The following SSC4D variants were observed in gnomAD, a reference collection of about 807,000 sequenced individuals.
SSC4D encodes the protein scavenger receptor cysteine-rich domain-containing group B protein.
SSC4D carries 57 observed loss-of-function variants against 63.4 expected under a neutral mutation model. That is an observed-to-expected ratio of 0.90 (90% CI 0.73 to 1.12). The LOEUF is 1.12. SSC4D is among the 50% of genes most tolerant of loss of function. The probability of loss-of-function intolerance (pLI) is 0.00; values close to 1 mark genes in which losing one functional copy is unlikely to be tolerated. For missense variants in SSC4D, 791 were observed against 806.4 expected (o/e 0.98, Z 0.23); for synonymous variants, 352 against 345.4 (o/e 1.02, Z -0.21).
chr7:76,391,311 CAT>C (rs1804489340), intron 10 of SSC4D, among the ~76,000 whole-genome samples: 1 of 151,704 alleles, frequency 6.6e-6, no homozygotes, highest in African/African-American at 2.4e-5. Context: ...TGTGGTGGCA[CAT>C]GTCTATAATC....
intron 7 of SSC4D, among the ~76,000 whole-genome samples, chr7:76,394,761 ATAT>A (rs1185068512): frequency 7.0e-6 from 1 of 143,216 alleles, no homozygotes; most frequent in Non-Finnish European, 1.5e-5. Flanking sequence ...ATATATATAT[ATAT>A]ATATAAAATA....
At chr7:76,400,622 G>T (rs1271900456) in intron 3 of SSC4D, 31 bp from the exon 4 acceptor site, 6 of 1,428,614 alleles carry the variant, frequency 4.2e-6, no homozygotes, top group Non-Finnish European at 5.5e-6. Flanking sequence ...GCACCAGGGG[G>T]TCACTGAGTC....
At chr7:76,398,869 C>T in intron 4 of SSC4D, 72 bp from the exon 5 acceptor site, 8 of 1,525,038 alleles carry the variant, frequency 5.2e-6, no homozygotes, top group Non-Finnish European at 1.8e-6. Context: ...GTTTAAGGGG[C>T]AGGAGGATGG....
intron 4 of SSC4D, 63 bp downstream of exon 4, chr7:76,400,223 A>G: frequency 7.2e-7 from 1 of 1,398,008 alleles, no homozygotes; most frequent in Non-Finnish European, 9.4e-7. Context: ...TCATTTATCT[A>G]GCCTACAGCC....
intron 9 of SSC4D, among the ~76,000 whole-genome samples, chr7:76,392,662 GC>G (rs1467116236): frequency 6.6e-6 from 1 of 152,004 alleles, no homozygotes; most frequent in African/African-American, 2.4e-5. Flanking sequence ...ACGGTGGCAT[GC>G]CCCTTGTGGT....
intron 7 of SSC4D, 92 bp downstream of exon 7, chr7:76,395,142 CCCTGGCCTGTTAGCCAGGG>C (rs1202800308): frequency 7.9e-7 from 1 of 1,270,528 alleles, no homozygotes; most frequent in African/African-American, 1.5e-5. Flanking sequence ...CTGGCCAAAG[CCCTGGCCTGTTAGCCAGGG>C]CCCCCGCCTG....
chr7:76,393,277 T>G, intron 9 of SSC4D, 128 bp downstream of exon 9: 1 of 1,019,806 alleles, frequency 9.8e-7, no homozygotes, highest in Non-Finnish European at 1.3e-6. Flanking sequence ...GCGGCGCCCC[T>G]CTGCGGAGTG....
At position 76,393,626 on chromosome 7, in the gene SSC4D, T is replaced by C; in HGVS notation, c.1112A>G (p.Asp371Gly). The change falls in exon 9 of 11, where the codon GAT becomes GGT. Residue 371 changes from aspartate to glycine, a missense_variant. Physicochemically the swap from Asp to Gly is moderately conservative, Grantham distance 94 (BLOSUM62 -1). Coordinates refer to ENST00000275560, the MANE Select transcript of SSC4D (RefSeq NM_080744.2). ...GCGCGCGTCCGCAAAGTCCCAGTCA[T>C]CGTCGCACACGGTGCCCCAGCCCCC... ...HAGGWGTVCD[D>G]DWDFADARVA... 6.7e-7 allele frequency: 1 copy of C among 1,497,782 alleles called. No individual in the cohort carries two copies. Among genetic ancestry groups the C allele is most frequent in the South Asian group, 1.3e-5 (1 of 79,964 alleles). 92.8% of individuals were successfully genotyped at this position (1,497,782 alleles called of 1,614,324 possible).
chr7:76,395,203 C>T (rs2286427), intron 7 of SSC4D, 50 bp downstream of exon 7: 285,906 of 1,599,808 alleles, frequency 0.18, 27,064 homozygotes, highest in Middle Eastern at 0.23. Flanking sequence ...AGTTCCCAGC[C>T]GCACCCACCA....
At chr7:76,405,321 T>G (rs1384087627) in intron 1 of SSC4D, among the ~76,000 whole-genome samples, 6 of 43,210 alleles carry the variant, frequency 1.4e-4, no homozygotes, top group East Asian at 8.2e-4. Context: ...ATATATGTAT[T>G]TTTTTCTTTC....
intron 2 of SSC4D, 102 bp downstream of exon 2, chr7:76,404,204 AG>A: frequency 1.4e-6 from 2 of 1,413,524 alleles, no homozygotes; most frequent in Middle Eastern, 2.6e-4. Context: ...AAAGAACAAC[AG>A]GAACGAGCTC....
chr7:76,393,465 G>A lies in SSC4D; in HGVS notation c.1273C>T (p.His425Tyr). 6 of 1,534,308 alleles carry A rather than the reference G, an allele frequency of 3.9e-6. No homozygotes were observed. The highest frequency in any genetic ancestry group is 5.2e-6 in the Non-Finnish European group (6 of 1,148,822). Residue 425 changes from histidine to tyrosine, a missense_variant, in exon 9 of 11, where the codon CAC (histidine) becomes TAC (tyrosine). By Grantham distance (83) the His-to-Tyr change is moderately conservative. Transcript: ENST00000275560. Reference sequence around the variant, plus strand: ...CAGTTGTGCTGGCCCCAGCCCAGGTGGAAGCAGTCGCTCAGGCGAGCCTCG... The same window carrying A: ...CAGTTGTGCTGGCCCCAGCCCAGGTAGAAGCAGTCGCTCAGGCGAGCCTCG... ...GTEARLSDCF[H>Y]LGWGQHNCGH...
At position 76,390,377 on chromosome 7, in the gene SSC4D, T is replaced by C; in HGVS notation, c.1412-2A>G. ...CTCCATTGACCAGACGTAGATGCCC[T>C]GTGGGGGGACAGGGCTGGGTTGGAA... On this transcript the variant is annotated splice_acceptor_variant, in intron 10 of 10. Transcript: ENST00000275560. LOFTEE classifies it high-confidence loss of function. 1 of 1,574,368 alleles carries C rather than the reference T, an allele frequency of 6.4e-7. No homozygotes were observed. The highest frequency in any genetic ancestry group is 8.6e-7 in the Non-Finnish European group (1 of 1,158,316).
rs1405903916 is a variant in SSC4D at position 76,390,075 on chromosome 7, AG to A, written c.1711del (p.Leu571CysfsTer20). 3.7e-6 allele frequency: 6 copies of A among 1,614,130 alleles called. No individual in the cohort carries two copies. The highest frequency in any genetic ancestry group is 5.1e-6 in the Non-Finnish European group (6 of 1,180,052). On this transcript the variant is annotated frameshift_variant, in exon 11 of 11. Coordinates refer to ENST00000275560, the MANE Select transcript of SSC4D (RefSeq NM_080744.2). LOFTEE classifies it high-confidence loss of function. ...CGGGCTGGGTCATGAAGGCTGGCAC[AG>A]GACACTGGCATCCTCGCTGTGGTCA... ...NCDHSEDASVLCQPS is the reference protein window; with the variant it reads ...NCDHSEDASVXCQPS
intron 7 of SSC4D, among the ~76,000 whole-genome samples, chr7:76,394,233 T>G (rs1490959786): frequency 6.6e-6 from 1 of 151,936 alleles, no homozygotes. Flanking sequence ...CTCAGCATCA[T>G]CCCATTGAAA....
At chr7:76,395,730 T>C (rs979540157) in intron 6 of SSC4D, among the ~76,000 whole-genome samples, 4 of 152,198 alleles carry the variant, frequency 2.6e-5, no homozygotes, top group Non-Finnish European at 4.4e-5. Flanking sequence ...TCGCTCTTGT[T>C]ACCCAGGCTG....
chr7:76,391,475 CAT>C, intron 10 of SSC4D, among the ~76,000 whole-genome samples: 1 of 152,254 alleles, frequency 6.6e-6, no homozygotes, highest in South Asian at 2.1e-4. Flanking sequence ...AGTCCAGACC[CAT>C]AGTCTCAGGA....
In SSC4D at chr7:76,393,730, A is replaced by C. The variant is rs1804559950; in HGVS notation, c.1022-14T>G. ...GCAGCCGTCCACCTGCGGGGCGCACAGGCCCGCGGCCAGAGGGGCTGGGCT... is the reference window on the plus strand; with the variant it reads ...GCAGCCGTCCACCTGCGGGGCGCACCGGCCCGCGGCCAGAGGGGCTGGGCT... On this transcript the variant is annotated splice_polypyrimidine_tract_variant and intron_variant, in intron 8 of 10. Transcript: ENST00000275560. The C allele has an allele frequency of 2.1e-6, 3 of 1,401,676 alleles. No individual in the cohort carries two copies. Among genetic ancestry groups the C allele is most frequent in the Non-Finnish European group, 2.8e-6 (3 of 1,083,072 alleles). The allele number at this position is 1,401,676 out of a possible 1,614,324, so 86.8% of individuals were successfully genotyped here. A position where few individuals can be genotyped will look rare whatever the true frequency, so the allele number is the denominator to read the frequency against.
intron 1 of SSC4D, among the ~76,000 whole-genome samples, chr7:76,408,748 G>A (rs1052699674): frequency 6.6e-6 from 1 of 152,154 alleles, no homozygotes; most frequent in Non-Finnish European, 1.5e-5. Context: ...TCACGCCCAA[G>A]GGAACACTGG....
Sources: gnomAD v4.1 joint callset for allele counts (sites outside exome capture counted in the v4.1 genomes callset) on GRCh38, gnomAD v4.1.1 for gene constraint, MANE v1.5 for transcripts, NCBI Gene and HGNC (gene_info 2026-07-23, HGNC 2026-07-21) for gene names.